The following NDUFA10 variants were observed in gnomAD, a reference collection of about 807,000 sequenced individuals.
NDUFA10 encodes the protein NADH dehydrogenase [ubiquinone] 1 alpha subcomplex subunit 10, mitochondrial.
NDUFA10 carries 40 observed loss-of-function variants against 47.8 expected under a neutral mutation model. That is an observed-to-expected ratio of 0.84 (90% CI 0.65 to 1.09). The LOEUF (loss-of-function observed/expected upper bound fraction) is 1.09, where lower values mean the gene tolerates loss of function less well. Among genes scored for constraint, NDUFA10 ranks in the 50% least tolerant of loss-of-function variants. The probability of loss-of-function intolerance (pLI) is 0.00; values close to 1 mark genes in which losing one functional copy is unlikely to be tolerated. For missense variants in NDUFA10, 413 were observed against 451.1 expected (o/e 0.92, Z 0.76); for synonymous variants, 183 against 172.2 (o/e 1.06, Z -0.49).
chr2:239,921,531 A>G (rs912971386), intron 4 of NDUFA10, among the ~76,000 whole-genome samples: 2 of 152,160 alleles, frequency 1.3e-5, no homozygotes, highest in Admixed American at 6.5e-5. Context: ...TCCATTTTAC[A>G]GAGCAATGAT....
At chr2:239,962,210 T>TACACACAC (rs59356951) in intron 9 of NDUFA10, among the ~76,000 whole-genome samples, 2,210 of 149,638 alleles carry the variant, frequency 0.015, 21 homozygotes, top group South Asian at 0.036. Flanking sequence ...TCAATTTGTG[T>TACACACAC]ACACACACAC....
At chr2:239,910,260 G>A (rs996492947) in intron 4 of NDUFA10, among the ~76,000 whole-genome samples, 2 of 152,286 alleles carry the variant, frequency 1.3e-5, no homozygotes, top group East Asian at 1.9e-4. Context: ...AAAGACACAT[G>A]CACGTGTATG....
At chr2:239,972,154 TGTGTGTG>T (rs1695329483) in intron 9 of NDUFA10, among the ~76,000 whole-genome samples, 2 of 152,018 alleles carry the variant, frequency 1.3e-5, no homozygotes, top group Non-Finnish European at 2.9e-5. Flanking sequence ...TGTGTGTGTG[TGTGTGTG>T]TGTGTGTGTA....
intron 3 of NDUFA10, 82 bp downstream of exon 3, chr2:240,021,115 G>A (rs1337254413): frequency 1.5e-5 from 18 of 1,196,432 alleles, no homozygotes; most frequent in African/African-American, 9.1e-5. Context: ...AGGAAAGCTC[G>A]ACTCAGTGGC....
At chr2:239,986,773 A>T (rs1344923725) in intron 9 of NDUFA10, among the ~76,000 whole-genome samples, 2 of 152,222 alleles carry the variant, frequency 1.3e-5, no homozygotes, top group Non-Finnish European at 2.9e-5. Context: ...TGAAAGTTTG[A>T]TGAGGAAGAG....
chr2:239,961,278 A>G, intron 9 of NDUFA10, 92 bp from the exon 10 acceptor site: 1 of 1,596,652 alleles, frequency 6.3e-7, no homozygotes, highest in Non-Finnish European at 8.5e-7. Context: ...AGATGCCTGT[A>G]CTTCATGAGT....
chr2:239,980,914 A>C (rs1695748924), intron 9 of NDUFA10, among the ~76,000 whole-genome samples: 2 of 152,312 alleles, frequency 1.3e-5, no homozygotes, highest in East Asian at 3.9e-4. Flanking sequence ...CCCAGCTGGC[A>C]CCCAGTGGTG....
chr2:240,011,315 T>C (rs1048875133), intron 6 of NDUFA10, among the ~76,000 whole-genome samples: 3 of 152,190 alleles, frequency 2.0e-5, no homozygotes, highest in African/African-American at 7.2e-5. Context: ...AATACACAAG[T>C]TCTCTATGGT....
At chr2:239,991,365 G>A (rs538586910) in intron 8 of NDUFA10, among the ~76,000 whole-genome samples, 1 of 152,162 alleles carries the variant, frequency 6.6e-6, no homozygotes, top group Non-Finnish European at 1.5e-5. Context: ...AACAATGATC[G>A]TTTGCTTTCC....
In NDUFA10 at chr2:239,906,883, T is replaced by G. The variant is rs888868665; in HGVS notation, c.295-11569A>C. Among the ~76,000 whole-genome samples the G allele has an allele frequency of 6.6e-6, 1 of 152,194 alleles. No individual in the cohort carries two copies. Among genetic ancestry groups the G allele is most frequent in the Non-Finnish European group, 1.5e-5 (1 of 68,046 alleles). ...CATCCCCACCAAGCTACCAATGACT[T>G]TCTTCACAAAATTGGAAAAAACTAC... On this transcript the variant is annotated intron_variant, in intron 4 of 5. Transcript: ENST00000419408. This position sits in a 1 kb window ranked among gnomAD's most constrained non-coding sequence, Gnocchi z 4.3.
At chr2:239,984,536 T>C (rs1695920053) in intron 9 of NDUFA10, among the ~76,000 whole-genome samples, 1 of 152,242 alleles carries the variant, frequency 6.6e-6, no homozygotes, top group African/African-American at 2.4e-5. Context: ...TCTCTTAGAT[T>C]CTCTTTAATG....
chr2:240,014,988 C>G (rs2106488273), intron 4 of NDUFA10, 128 bp from the exon 5 acceptor site: 3 of 1,354,226 alleles, frequency 2.2e-6, no homozygotes, highest in African/African-American at 2.9e-5. Flanking sequence ...TCTACAAACC[C>G]TATCTCGGTC....
intron 4 of NDUFA10, among the ~76,000 whole-genome samples, chr2:239,916,968 G>GGCTCT (rs1693890621): frequency 6.6e-6 from 1 of 152,240 alleles, no homozygotes; most frequent in Non-Finnish European, 1.5e-5. Context: ...TGGCATTACA[G>GGCTCT]GGCAGACATG....
intron 9 of NDUFA10, among the ~76,000 whole-genome samples, chr2:239,986,232 G>T (rs1695998295): frequency 6.6e-6 from 1 of 152,194 alleles, no homozygotes; most frequent in African/African-American, 2.4e-5. Context: ...AATACCCAAT[G>T]AAAATAACCT....
At chr2:239,969,475 C>T (rs1253429165) in intron 9 of NDUFA10, 36 of 348,420 alleles carry the variant, frequency 1.0e-4, no homozygotes, top group Admixed American at 4.8e-4. Flanking sequence ...GCCACGGCCA[C>T]GCACGTTACA....
intron 4 of NDUFA10, among the ~76,000 whole-genome samples, chr2:239,932,086 G>A (rs937732945): frequency 3.3e-5 from 5 of 151,942 alleles, no homozygotes; most frequent in Middle Eastern, 6.8e-3. Context: ...CACCCTCTTC[G>A]GCCTCCCAAA....
At chr2:239,953,162 G>A (rs761946757), downstream of NDUFA10, among the ~76,000 whole-genome samples, 6 of 152,192 alleles carry the variant, frequency 3.9e-5, no homozygotes, top group Non-Finnish European at 8.8e-5. Flanking sequence ...GGGTTTCCTG[G>A]ACTGAGTGGC....
chr2:239,907,053 A>C (rs1693667646), intron 4 of NDUFA10, among the ~76,000 whole-genome samples: 1 of 152,346 alleles, frequency 6.6e-6, no homozygotes, highest in East Asian at 1.9e-4. Flanking sequence ...GCTGGTGCCA[A>C]AACAGAGATA....
chr2:240,021,241 C>T lies in NDUFA10; in HGVS notation c.416G>A (p.Arg139His), dbSNP rs771783427. Residue 139 changes from arginine to histidine, a missense_variant, in exon 3 of 10, where the codon CGC becomes CAC. Transcript: ENST00000252711. ...YRLQSWLYSS[R>H]LLQYSDALEH... ...CAAGGCATCTGAGTACTGCAGCAGG[C>T]GACTGCTGTACAACCAGGACTGCAG... 6.2e-6 allele frequency: 10 copies of T among 1,614,104 alleles called. No individual in the cohort carries two copies. Among genetic ancestry groups the T allele is most frequent in the South Asian group, 3.3e-5 (3 of 91,094 alleles).
Sources: gnomAD v4.1 joint callset for allele counts (sites outside exome capture counted in the v4.1 genomes callset) on GRCh38, gnomAD v4.1.1 for gene constraint, Gnocchi (gnomAD v3.1) non-coding constraint, MANE v1.5 for transcripts, NCBI Gene and HGNC (gene_info 2026-07-23, HGNC 2026-07-21) for gene names.